The following LCOR variants were observed in gnomAD, a reference collection of about 807,000 sequenced individuals.
LCOR encodes ligand dependent nuclear receptor corepressor, also known as ligand-dependent corepressor.
A neutral mutation model predicts 64.4 loss-of-function variants in LCOR; 14 were observed. The ratio of observed to expected loss-of-function variants is 0.22; its 90% CI spans 0.14 to 0.34. The LOEUF is 0.34. Among genes scored for constraint, LCOR ranks in the 10% least tolerant of loss-of-function variants. The pLI is 1.00. For missense variants in LCOR, 1,686 were observed against 1,765.3 expected, an observed-to-expected ratio of 0.96 and a Z score of 0.80; for synonymous variants, 643 against 642.5, an observed-to-expected ratio of 1.00 and a Z score of -0.01.
chr10:96,892,415 T>A (rs1001348300), intron 2 of LCOR, among the ~76,000 whole-genome samples: 6 of 152,132 alleles, frequency 3.9e-5, no homozygotes, highest in Non-Finnish European at 5.9e-5. Context: ...ATAAAAAAAA[T>A]TATTTCTCAC....
intron 4 of LCOR, among the ~76,000 whole-genome samples, chr10:96,924,104 A>T (rs1177260946): frequency 6.6e-6 from 1 of 152,158 alleles, no homozygotes; most frequent in Non-Finnish European, 1.5e-5. Context: ...TACCACAAGC[A>T]AATATAAGTT....
chr10:96,920,506 G>GTATATTCATATA lies in LCOR; in HGVS notation c.-184+12762_-184+12763insATTCATATATAT, dbSNP rs1564626122. On this transcript the variant is annotated intron_variant, in intron 4 of 7. Coordinates refer to ENST00000421806, the MANE Select transcript of LCOR (RefSeq NM_001346516.2). ...TATATTCATATATATGTGTATATAT[G>GTATATTCATATA]TATGTATATTCAGATATATGTGTAT... 5.3e-5 allele frequency among the ~76,000 whole-genome samples: 4 copies of GTATATTCATATA among 75,120 alleles called. No individual in the cohort carries two copies. In the East Asian group the frequency reaches 1.1e-3, roughly 20 times the overall value. 49.3% of individuals were successfully genotyped at this position (75,120 alleles called of 152,430 possible). A position where few individuals can be genotyped will look rare whatever the true frequency, so the allele number is the denominator to read the frequency against.
intron 7 of LCOR, among the ~76,000 whole-genome samples, chr10:96,972,268 C>A (rs1225848958): frequency 1.3e-5 from 2 of 152,106 alleles, no homozygotes; most frequent in South Asian, 2.1e-4. Flanking sequence ...TCACATCTCT[C>A]ACTGCCTCTG....
At chr10:96,916,311 G>A (rs1239742397) in intron 4 of LCOR, among the ~76,000 whole-genome samples, 3 of 152,006 alleles carry the variant, frequency 2.0e-5, no homozygotes, top group African/African-American at 4.8e-5. Flanking sequence ...GATTACAGGC[G>A]TGAGCCACCA....
intron 4 of LCOR, among the ~76,000 whole-genome samples, chr10:96,919,220 T>C (rs115745808): frequency 0.045 from 6,861 of 152,234 alleles, 530 homozygotes; most frequent in African/African-American, 0.15. Flanking sequence ...TGCCTACTTA[T>C]ATAAAAATTA....
intron 2 of LCOR, among the ~76,000 whole-genome samples, chr10:96,857,727 A>G (rs991102101): frequency 6.6e-6 from 1 of 152,182 alleles, no homozygotes; most frequent in African/African-American, 2.4e-5. Flanking sequence ...GATCTTGGGC[A>G]GGGTAGGGGA....
Position 96,991,999 on chromosome 10 carries a change from C to A in LCOR, c.*6865C>A, listed in dbSNP as rs1440714566. On this transcript the variant is annotated 3_prime_UTR_variant, in exon 8 of 8. Coordinates refer to ENST00000421806, the MANE Select transcript of LCOR (RefSeq NM_001346516.2). Reference sequence around the variant, plus strand: ...TTCAATTTATCCACTTTTTTTTAAACCCCAGTTTTCTGTGATCTGCACCTC... The same window carrying A: ...TTCAATTTATCCACTTTTTTTTAAAACCCAGTTTTCTGTGATCTGCACCTC... 6.6e-6 allele frequency: 1 copy of A among 152,092 alleles called. No homozygotes were observed. The highest frequency in any genetic ancestry group is 1.5e-5 in the Non-Finnish European group (1 of 68,014). 9.4% of individuals were successfully genotyped at this position (152,092 alleles called of 1,614,324 possible). A position where few individuals can be genotyped will look rare whatever the true frequency, so the allele number is the denominator to read the frequency against.
chr10:96,960,789 A>ATT (rs1847866890), intron 7 of LCOR: 2 of 152,200 alleles, frequency 1.3e-5, no homozygotes, highest in African/African-American at 4.8e-5. Flanking sequence ...CAAAATCTGA[A>ATT]AAGGAAAAAA....
chr10:96,892,937 C>T (rs1244843257), intron 2 of LCOR, among the ~76,000 whole-genome samples: 1 of 152,142 alleles, frequency 6.6e-6, no homozygotes, highest in Non-Finnish European at 1.5e-5. Context: ...AATATAATTG[C>T]TGATAAGGAG....
At chr10:96,867,002 T>C (rs1357401864) in intron 2 of LCOR, among the ~76,000 whole-genome samples, 4 of 152,162 alleles carry the variant, frequency 2.6e-5, no homozygotes, top group African/African-American at 9.7e-5. Context: ...CTATTATTTT[T>C]TTTGAGATGG....
At chr10:96,897,108 A>AAAC (rs1314015613) in intron 2 of LCOR, among the ~76,000 whole-genome samples, 1 of 151,806 alleles carries the variant, frequency 6.6e-6, no homozygotes, top group African/African-American at 2.4e-5. Flanking sequence ...AAGCAAAAAA[A>AAAC]AAAAAAAAAC....
intron 4 of LCOR, among the ~76,000 whole-genome samples, chr10:96,940,601 A>C (rs371423548): frequency 0.12 from 11,938 of 101,348 alleles, 821 homozygotes; most frequent in African/African-American, 0.23. Flanking sequence ...GAGTGGACAC[A>C]GCACATGTTT....
intron 7 of LCOR, among the ~76,000 whole-genome samples, chr10:96,979,433 A>G (rs1264480721): frequency 1.3e-5 from 2 of 152,220 alleles, no homozygotes; most frequent in Non-Finnish European, 2.9e-5. Flanking sequence ...CTAAGCAGGT[A>G]TTGCCTGTGG....
chr10:96,978,652 G>A (rs900706663), intron 7 of LCOR, among the ~76,000 whole-genome samples: 16 of 152,120 alleles, frequency 1.1e-4, no homozygotes, highest in Non-Finnish European at 1.8e-4. Context: ...TGGCACTACC[G>A]ACTAAAACTG....
At chr10:96,957,068 G>A (rs1847795899) in intron 7 of LCOR, 2 of 985,008 alleles carry the variant, frequency 2.0e-6, no homozygotes, top group Admixed American at 6.2e-5. Context: ...GATTTAGGAT[G>A]CATATCAGTT....
intron 4 of LCOR, among the ~76,000 whole-genome samples, chr10:96,942,642 A>C (rs1349587193): frequency 1.3e-5 from 2 of 152,220 alleles, no homozygotes; most frequent in Non-Finnish European, 2.9e-5. Context: ...ATCCATGCTA[A>C]ATACATATTT....
At chr10:96,921,731 G>A (rs1484518333) in intron 4 of LCOR, among the ~76,000 whole-genome samples, 1 of 152,146 alleles carries the variant, frequency 6.6e-6, no homozygotes, top group Non-Finnish European at 1.5e-5. Flanking sequence ...CCCAAAGAGC[G>A]AGGATTACTG....
chr10:96,856,540 C>T (rs1400046514), intron 2 of LCOR, among the ~76,000 whole-genome samples: 1 of 151,028 alleles, frequency 6.6e-6, no homozygotes, highest in Non-Finnish European at 1.5e-5. Flanking sequence ...GTCCCTGTAC[C>T]CCTCCACTCT....
chr10:96,885,528 A>G (rs1187969747), intron 2 of LCOR, among the ~76,000 whole-genome samples: 4 of 148,798 alleles, frequency 2.7e-5, no homozygotes, highest in Admixed American at 6.7e-5. Context: ...ATCACAGGCC[A>G]GTGCCACTGC....
Sources: gnomAD v4.1 joint callset for allele counts (sites outside exome capture counted in the v4.1 genomes callset) on GRCh38, gnomAD v4.1.1 for gene constraint, MANE v1.5 for transcripts, NCBI Gene and HGNC (gene_info 2026-07-23, HGNC 2026-07-21) for gene names.